Variants in TNRC18 observed in about 807,000 individuals in gnomAD.
TNRC18 encodes the protein trinucleotide repeat-containing gene 18 protein.
TNRC18 carries 69 observed loss-of-function variants against 226.7 expected under a neutral mutation model. The observed-to-expected ratio is 0.30, with a 90% CI of 0.25 to 0.37. TNRC18 has a LOEUF of 0.37. Ranked by LOEUF, TNRC18 falls within the 10% of genes least tolerant of loss-of-function variation. The pLI is 1.00. For missense variants in TNRC18, 4,754 were observed against 4,256.6 expected (o/e 1.12, Z -3.25); for synonymous variants, 2,449 against 1,927.6 (o/e 1.27, Z -7.09).
chr7:5,333,464 C>T (rs558625021), intron 18 of TNRC18, among the ~76,000 whole-genome samples: 1 of 152,374 alleles, frequency 6.6e-6, no homozygotes, highest in African/African-American at 2.4e-5. Flanking sequence ...CTTCTCTCCC[C>T]CGTTCTTGGT....
rs78220096 is a variant in TNRC18, at chr7:5,306,824, T to C, written c.*1282A>G. 1 of 151,452 alleles carries C rather than the reference T, an allele frequency of 6.6e-6. No individual in the cohort carries two copies. Among genetic ancestry groups the C allele is most frequent in the African/African-American group, 2.4e-5 (1 of 41,192 alleles). The allele number at this position is 151,452 out of a possible 1,614,324, so 9.4% of individuals were successfully genotyped here. A position where few individuals can be genotyped will look rare whatever the true frequency, so the allele number is the denominator to read the frequency against. On this transcript the variant is annotated 3_prime_UTR_variant, in exon 30 of 30. Transcript: ENST00000430969. ...TCCAATTAAATCTTTTCTTTTTTTTTATGAAAAAAGATCACACAGAATTTG... is the reference window on the plus strand; with the variant it reads ...TCCAATTAAATCTTTTCTTTTTTTTCATGAAAAAAGATCACACAGAATTTG...
At chr7:5,420,507 G>A (rs1293047773) in intron 2 of TNRC18, 10 of 448,726 alleles carry the variant, frequency 2.2e-5, no homozygotes, top group South Asian at 7.9e-5. Flanking sequence ...CCCGCCCCGA[G>A]GCCAGGGTCC....
Position 5,374,155 on chromosome 7 carries a change from C to T in TNRC18, c.3129G>A (p.Pro1043=), listed in dbSNP as rs770832135. 2.8e-5 allele frequency: 25 copies of T among 888,484 alleles called. No homozygotes were observed. In the South Asian group the frequency reaches 7.9e-4, roughly 28 times the overall value. 55.0% of individuals were successfully genotyped at this position (888,484 alleles called of 1,614,324 possible). ...SPPPASPPPT[P]GITRKEEAPE... The stretch of plus-strand genomic sequence containing the variant: ...GAGCCTCCTCCTTGCGGGTGATACC[C>T]GGGGTGGGCGGTGGGGAGGCGGGCG... The change falls in exon 10 of 30, where the codon CCG becomes CCA. Residue 1043 remains proline (P), a synonymous_variant. Coordinates refer to ENST00000430969, the MANE Select transcript of TNRC18 (RefSeq NM_001080495.3).
At chr7:5,345,514 TCCGCCCCTCCCAC>T in intron 18 of TNRC18, 35 bp downstream of exon 18, 1 of 379,348 alleles carries the variant, frequency 2.6e-6, no homozygotes, top group Non-Finnish European at 4.9e-6. Context: ...GGCAATGGCG[TCCGCCCCTCCCAC>T]CCACCCCCAC....
intron 18 of TNRC18, among the ~76,000 whole-genome samples, chr7:5,335,855 A>T (rs1465560329): frequency 7.5e-6 from 1 of 133,072 alleles, no homozygotes; most frequent in Non-Finnish European, 1.7e-5. Flanking sequence ...AAAAAAAAAA[A>T]AAAGGCATTC....
At chr7:5,364,804 GAAA>G (rs778909525) in intron 11 of TNRC18, among the ~76,000 whole-genome samples, 38 of 88,204 alleles carry the variant, frequency 4.3e-4, no homozygotes, top group African/African-American at 1.5e-3. Context: ...GCTGTCTCAG[GAAA>G]AAAAAAAAAA....
intron 18 of TNRC18, 112 bp from the exon 19 acceptor site, chr7:5,333,161 G>A: frequency 8.2e-7 from 1 of 1,213,340 alleles, no homozygotes; most frequent in East Asian, 2.6e-5. Context: ...CAATGGCAGC[G>A]CTTCTGCCCG....
Position 5,315,087 on chromosome 7 carries a change from G to C in TNRC18, c.6924C>G (p.Ser2308Arg). 6.2e-7 allele frequency: 1 copy of C among 1,612,886 alleles called. No homozygotes were observed. Among genetic ancestry groups the C allele is most frequent in the Non-Finnish European group, 8.5e-7 (1 of 1,179,610 alleles). ...CATCTTTGCCCTCCCCAGTGTCTTTGCTGGTCTTCCGGCTGCGGCGCTTGG... is the reference window on the plus strand; with the variant it reads ...CATCTTTGCCCTCCCCAGTGTCTTTCCTGGTCTTCCGGCTGCGGCGCTTGG... The part of the protein sequence containing the change: ...PSAKRRSRKT[S>R]KDTGEGKDGG... The change falls in exon 26 of 30, where the codon AGC becomes AGG. Residue 2308 changes from serine to arginine, a missense_variant. By Grantham distance (110) the Ser-to-Arg change is moderately radical. Transcript: ENST00000430969.
chr7:5,422,317 C>T (rs1318336899), intron 1 of TNRC18, among the ~76,000 whole-genome samples: 1 of 152,116 alleles, frequency 6.6e-6, no homozygotes, highest in Non-Finnish European at 1.5e-5. Flanking sequence ...GGGTCTCGCT[C>T]CTACTCTAGC....
At chr7:5,353,881 C>T (rs973412131) in intron 16 of TNRC18, among the ~76,000 whole-genome samples, 2 of 152,198 alleles carry the variant, frequency 1.3e-5, no homozygotes, top group African/African-American at 4.8e-5. Flanking sequence ...GTTTTCGACA[C>T]AGGCACGATG....
Position 5,308,004 on chromosome 7 carries a change from G to C in TNRC18, c.*102C>G. 1 of 1,105,158 alleles carries C rather than the reference G, an allele frequency of 9.0e-7. No homozygotes were observed. The highest frequency in any genetic ancestry group is 1.3e-6 in the Non-Finnish European group (1 of 774,750). The allele number at this position is 1,105,158 out of a possible 1,614,324, so 68.5% of individuals were successfully genotyped here. The stretch of plus-strand genomic sequence containing the variant: ...GCCCCATGCACACGCCTGCAGGAGC[G>C]CTCGCATGCACACAACGCACGTGGT... On this transcript the variant is annotated 3_prime_UTR_variant, in exon 30 of 30. Transcript: ENST00000430969.
At position 5,321,154 on chromosome 7, in the gene TNRC18, T is replaced by C; in HGVS notation, c.6479A>G (p.Lys2160Arg). 1 of 1,553,566 alleles carries C rather than the reference T, an allele frequency of 6.4e-7. No homozygotes were observed. The highest frequency in any genetic ancestry group is 8.7e-7 in the Non-Finnish European group (1 of 1,149,308). Residue 2160 changes from lysine (K) to arginine (R), a missense_variant, in exon 22 of 30, where the codon AAG becomes AGG. Transcript: ENST00000430969. ...RSCIIDKDEL[K>R]DGLRVLIPMD... is the part of the protein sequence containing the mutation. ...GGGGATGAGCACACGCAGGCCGTCC[T>C]TCAGCTCATCCTTGTCGATGATGCA...
At position 5,361,621 on chromosome 7, in the gene TNRC18, C is replaced by T; in HGVS notation, c.4634G>A (p.Arg1545Lys). 2 of 1,545,120 alleles carry T rather than the reference C, an allele frequency of 1.3e-6. No individual in the cohort carries two copies. Among genetic ancestry groups the T allele is most frequent in the East Asian group, 2.5e-5 (1 of 40,358 alleles). The change falls in exon 14 of 30, where the codon AGA becomes AAA. Residue 1545 changes from arginine to lysine, a missense_variant. Arg to Lys is a conservative substitution (Grantham distance 26, BLOSUM62 2). Transcript: ENST00000430969. ...APSALSPPRKRGKSGHSSGKL... is the reference protein window; with the variant it reads ...APSALSPPRKKGKSGHSSGKL... ...TCCGCTACTGTGGCCGCTCTTCCCT[C>T]TCTTGCGGGGGGGCGACAGGGCGCT... is the stretch of plus-strand genomic sequence containing the variant.
In TNRC18 at chr7:5,309,323, T is replaced by C; in HGVS notation, c.8434A>G (p.Ile2812Val). ...GKARKLFYKA[I>V]VRGKEMIRIG... is the part of the protein sequence containing the mutation. ...CGGATCATCTCCTTGCCGCGCACGA[T>C]GGCCTTGTAGAAGAGCTTGCGGGCC... The change falls in exon 28 of 30, where the codon ATC becomes GTC. Residue 2812 changes from isoleucine to valine, a missense_variant. Ile to Val is a conservative substitution (Grantham distance 29). Coordinates refer to ENST00000430969, the MANE Select transcript of TNRC18 (RefSeq NM_001080495.3). This position sits in a 1 kb window ranked among gnomAD's most constrained non-coding sequence, Gnocchi z 5.7. The C allele has an allele frequency of 6.2e-7, 1 of 1,613,876 alleles. No homozygotes were observed. Among genetic ancestry groups the C allele is most frequent in the Non-Finnish European group, 8.5e-7 (1 of 1,179,816 alleles).
In TNRC18 at chr7:5,370,947, G is replaced by A. The variant is rs1247951774; in HGVS notation, c.3647C>T (p.Pro1216Leu). Reference sequence around the variant, plus strand: ...CTCCACAAAGTCTGGACACTCAGAGGGCTCTGCGCAGCTCTGCCCGGTGGC... The same window carrying A: ...CTCCACAAAGTCTGGACACTCAGAGAGCTCTGCGCAGCTCTGCCCGGTGGC... ...LSATGQSCAEPSECPDFVEGP... is the reference protein window; with the variant it reads ...LSATGQSCAELSECPDFVEGP... The change falls in exon 11 of 30, where the codon CCC becomes CTC. Residue 1216 changes from proline (P) to leucine (L), a missense_variant. Coordinates refer to ENST00000430969, the MANE Select transcript of TNRC18 (RefSeq NM_001080495.3). The A allele has an allele frequency of 2.4e-5, 38 of 1,605,164 alleles. No homozygotes were observed. Among genetic ancestry groups the A allele is most frequent in the Non-Finnish European group, 3.1e-5 (36 of 1,179,740 alleles).
At chr7:5,346,496 C>G (rs1009329682) in intron 17 of TNRC18, among the ~76,000 whole-genome samples, 4 of 151,932 alleles carry the variant, frequency 2.6e-5, no homozygotes, top group Non-Finnish European at 5.9e-5. Context: ...GACTCAGTCT[C>G]AAAAAAATAA....
At chr7:5,420,884 C>T (rs1584144257) in intron 2 of TNRC18, 176 bp downstream of exon 2, 2 of 792,296 alleles carry the variant, frequency 2.5e-6, no homozygotes, top group African/African-American at 5.8e-5. Flanking sequence ...CGACACTCTC[C>T]ACCGCCTTGG....
chr7:5,327,242 C>A (rs1028093491), intron 19 of TNRC18, among the ~76,000 whole-genome samples: 1 of 152,030 alleles, frequency 6.6e-6, no homozygotes, highest in South Asian at 2.1e-4. Context: ...GAAGTCACAG[C>A]GTCCATATCC....
At position 5,324,682 on chromosome 7, in the gene TNRC18, G is replaced by A. The variant is rs1396274614; in HGVS notation, c.6301-327C>T. Among the ~76,000 whole-genome samples, 2 of 152,328 alleles carry A rather than the reference G, an allele frequency of 1.3e-5. No individual in the cohort carries two copies. Among genetic ancestry groups the A allele is most frequent in the African/African-American group, 2.4e-5 (1 of 41,580 alleles). Reference sequence around the variant, plus strand: ...TTCCCTTCTTAGAGAAACTTCAGCAGCATCTCCAGCATTTCCACCCAATGG... The same window carrying A: ...TTCCCTTCTTAGAGAAACTTCAGCAACATCTCCAGCATTTCCACCCAATGG... On this transcript the variant is annotated intron_variant, in intron 20 of 29. Coordinates refer to ENST00000430969, the MANE Select transcript of TNRC18 (RefSeq NM_001080495.3). This position sits in a 1 kb window ranked among gnomAD's most constrained non-coding sequence, Gnocchi z 4.8.
Sources: allele counts gnomAD v4.1 joint callset (sites outside exome capture counted in the v4.1 genomes callset), GRCh38; gene constraint gnomAD v4.1.1; non-coding constraint Gnocchi (gnomAD v3.1); transcripts MANE v1.5; gene names NCBI Gene and HGNC (gene_info 2026-07-23, HGNC 2026-07-21).